TMEM94: variants seen among roughly 807,000 people sequenced by gnomAD.
TMEM94 encodes the protein ER Mg2+ ATPase.
In TMEM94, 81 loss-of-function variants were observed where a neutral mutation model predicts 158.6. That is an observed-to-expected ratio of 0.51 (90% confidence interval 0.43 to 0.61). The LOEUF (loss-of-function observed/expected upper bound fraction) is 0.61. Among genes scored for constraint, TMEM94 ranks in the 20% least tolerant of loss-of-function variants. TMEM94 has a pLI of 0.00. For missense variants in TMEM94, 1,435 were observed against 1,762.0 expected (o/e 0.81, Z 3.32); for synonymous variants, 751 against 730.7 (o/e 1.03, Z -0.45).
intron 1 of TMEM94, among the ~76,000 whole-genome samples, chr17:75,463,178 G>GTGTGTATGTATA (rs1180723796): frequency 6.6e-5 from 1 of 15,062 alleles, no homozygotes; most frequent in African/African-American, 1.7e-4. Context: ...GTGTGTGTGT[G>GTGTGTATGTATA]TATATATATA....
Position 75,494,988 on chromosome 17 carries a change from C to G in TMEM94, c.2682C>G (p.Pro894=), listed in dbSNP as rs769396653. The change falls in exon 20 of 32, where the codon CCC becomes CCG. Residue 894 remains proline (P), a synonymous_variant. Coordinates refer to ENST00000314256, the MANE Select transcript of TMEM94 (RefSeq NM_014738.6). ...NGDMPGSEIP[P]SSPSHAGSLH... Reference sequence around the variant, plus strand: ...ACATGCCTGGCTCCGAGATCCCCCCCTCCAGCCCCAGCCACGCAGGCTCCC... The same window carrying G: ...ACATGCCTGGCTCCGAGATCCCCCCGTCCAGCCCCAGCCACGCAGGCTCCC... The G allele has an allele frequency of 1.2e-6, 2 of 1,613,442 alleles. No homozygotes were observed. Among genetic ancestry groups the G allele is most frequent in the Non-Finnish European group, 1.7e-6 (2 of 1,180,022 alleles).
chr17:75,496,239 T>A (rs1396974496), intron 23 of TMEM94, 43 bp from the exon 24 acceptor site: 10 of 1,612,568 alleles, frequency 6.2e-6, no homozygotes, highest in Non-Finnish European at 1.7e-6. Context: ...CCCAGTCCTG[T>A]GGGAGATACA....
At chr17:75,464,137 G>A (rs1315978089) in intron 1 of TMEM94, among the ~76,000 whole-genome samples, 2 of 152,156 alleles carry the variant, frequency 1.3e-5, no homozygotes, top group Admixed American at 6.6e-5. Flanking sequence ...TTGGCAGCAG[G>A]AGGCATCCAC....
Position 75,486,423 on chromosome 17 carries a change from C to A in TMEM94, c.406C>A (p.Gln136Lys). The A allele has an allele frequency of 6.2e-7, 1 of 1,614,172 alleles. No homozygotes were observed. Among genetic ancestry groups the A allele is most frequent in the Non-Finnish European group, 8.5e-7 (1 of 1,180,018 alleles). The change falls in exon 5 of 32, where the codon CAA becomes AAA. Residue 136 changes from glutamine (Q) to lysine (K), a missense_variant. Around this residue, in one of 3 missense-constraint regions of TMEM94, gnomAD observed 1,051 missense variants for 1,254.4 expected, o/e 0.84. Coordinates refer to ENST00000314256, the MANE Select transcript of TMEM94 (RefSeq NM_014738.6). Reference protein sequence around the residue: ...RRLRGIIDQIQDALRDGREIQ... With the variant: ...RRLRGIIDQIKDALRDGREIQ... Reference sequence around the variant, plus strand: ...GCTGCGAGGGATCATTGACCAAATCCAAGGTGAGGTCAAGGGCAGGCATAT... The same window carrying A: ...GCTGCGAGGGATCATTGACCAAATCAAAGGTGAGGTCAAGGGCAGGCATAT...
At chr17:75,462,912 A>G (rs572590614) in intron 1 of TMEM94, among the ~76,000 whole-genome samples, 292 of 144,092 alleles carry the variant, frequency 2.0e-3, no homozygotes, top group African/African-American at 7.4e-3. Flanking sequence ...GTTTGAGCCC[A>G]GGAGTTTGAG....
intron 1 of TMEM94, among the ~76,000 whole-genome samples, chr17:75,463,170 G>GTATATATATA (rs1311901476): frequency 8.3e-4 from 4 of 4,838 alleles, no homozygotes; most frequent in African/African-American, 4.7e-3. Flanking sequence ...ATGTGTGTGT[G>GTATATATATA]TGTGTGTGTA....
At chr17:75,456,965 C>T (rs1315033897) in intron 1 of TMEM94, among the ~76,000 whole-genome samples, 1 of 152,214 alleles carries the variant, frequency 6.6e-6, no homozygotes, top group African/African-American at 2.4e-5. Flanking sequence ...CAGACTCTTG[C>T]TCTCAGCCCT....
rs972722742 is a variant in TMEM94, at chr17:75,487,803, T to C, written c.410-129T>C. Reference sequence around the variant, plus strand: ...GAAAGCAGGGAAGTGTTGGAACGAGTGGAGGGGTTTGACGCAGACCTCCTG... The same window carrying C: ...GAAAGCAGGGAAGTGTTGGAACGAGCGGAGGGGTTTGACGCAGACCTCCTG... On this transcript the variant is annotated intron_variant, in intron 5 of 31. Transcript: ENST00000314256. This position sits in a 1 kb window ranked among gnomAD's most constrained non-coding sequence, Gnocchi z 4.6. The C allele has an allele frequency of 1.9e-5, 14 of 719,504 alleles. No individual in the cohort carries two copies. Among genetic ancestry groups the C allele is most frequent in the Non-Finnish European group, 4.7e-6 (2 of 421,952 alleles). 44.6% of individuals were successfully genotyped at this position (719,504 alleles called of 1,614,324 possible).
intron 1 of TMEM94, among the ~76,000 whole-genome samples, chr17:75,467,197 A>T (rs1474793132): frequency 6.6e-6 from 1 of 151,376 alleles, no homozygotes; most frequent in Non-Finnish European, 1.5e-5. Context: ...TTGGTCTGGA[A>T]CTCCTGTCCT....
intron 2 of TMEM94, among the ~76,000 whole-genome samples, chr17:75,479,918 A>G (rs914376946): frequency 6.6e-6 from 1 of 151,934 alleles, no homozygotes; most frequent in African/African-American, 2.4e-5. Flanking sequence ...GACCATCTCA[A>G]AAAAACACTA....
At chr17:75,459,040 C>G (rs1398885454) in intron 1 of TMEM94, among the ~76,000 whole-genome samples, 5 of 147,474 alleles carry the variant, frequency 3.4e-5, no homozygotes, top group Admixed American at 2.7e-4. Flanking sequence ...CTGGGCGACA[C>G]AGCGAGACTC....
chr17:75,496,223 G>T, intron 23 of TMEM94, 59 bp from the exon 24 acceptor site: 3 of 1,605,716 alleles, frequency 1.9e-6, no homozygotes, highest in East Asian at 2.2e-5. Flanking sequence ...AGAAGAGGGT[G>T]GGGTGCCCAG....
At chr17:75,486,074 G>T in intron 4 of TMEM94, 76 bp downstream of exon 4, 1 of 1,491,900 alleles carries the variant, frequency 6.7e-7, no homozygotes. Flanking sequence ...GACAGACCAG[G>T]GCTCTTGGGG....
chr17:75,479,864 G>A (rs561694106), intron 2 of TMEM94, among the ~76,000 whole-genome samples: 41 of 152,290 alleles, frequency 2.7e-4, no homozygotes, highest in African/African-American at 9.1e-4. Context: ...GCTGCAGTGA[G>A]CCCTGATGGC....
chr17:75,465,061 G>T (rs1201787314), intron 1 of TMEM94, among the ~76,000 whole-genome samples: 2 of 151,980 alleles, frequency 1.3e-5, no homozygotes, highest in African/African-American at 4.8e-5. Context: ...GTGTAGTGGC[G>T]TGATCATAGC....
At chr17:75,467,824 G>T (rs1380235072) in intron 1 of TMEM94, among the ~76,000 whole-genome samples, 1 of 152,104 alleles carries the variant, frequency 6.6e-6, no homozygotes, top group East Asian at 1.9e-4. Context: ...GAGCCACCGC[G>T]CCCGGCCCCA....
chr17:75,496,430 C>A lies in TMEM94; in HGVS notation c.3202C>A (p.Arg1068Ser). Residue 1068 changes from arginine (R) to serine (S), a missense_variant, in exon 24 of 32, where the codon CGC (arginine) becomes AGC (serine). Around this residue, in one of 3 missense-constraint regions of TMEM94, gnomAD observed 335 missense variants for 409.1 expected, o/e 0.82. Transcript: ENST00000314256. ...LNSLPCSLTF[R>S]QEETISIIRL... ...CAGCCTGCCCTGTTCCCTGACCTTT[C>A]GCCAGGAGGAGACCATCAGCATCAT... The A allele has an allele frequency of 6.2e-7, 1 of 1,613,638 alleles. No homozygotes were observed. The highest frequency in any genetic ancestry group is 1.7e-5 in the Admixed American group (1 of 60,022).
In TMEM94 at chr17:75,490,239, T is replaced by C; in HGVS notation, c.960T>C (p.Asn320=). ...TGTGGTCCGCTCCTTCCCAGGTGAA[T>C]GGCGTCCTGCCCATCCTCCCCCTGC... ...WQYTLLQLQV[N]GVLPILPLLF... Residue 320 remains asparagine (N), a synonymous_variant, in exon 10 of 32, where the codon AAT becomes AAC. Transcript: ENST00000314256. 1 of 1,614,024 alleles carries C rather than the reference T, an allele frequency of 6.2e-7. No homozygotes were observed. The highest frequency in any genetic ancestry group is 8.5e-7 in the Non-Finnish European group (1 of 1,179,990).
intron 1 of TMEM94, among the ~76,000 whole-genome samples, chr17:75,471,300 G>T (rs2050495513): frequency 6.6e-6 from 1 of 151,184 alleles, no homozygotes; most frequent in Non-Finnish European, 1.5e-5. Context: ...GAGAAAGTTT[G>T]TACCCCTCCA....
Sources: gnomAD v4.1 joint callset for allele counts (sites outside exome capture counted in the v4.1 genomes callset) on GRCh38, gnomAD v4.1.1 for gene constraint, gnomAD v4.1.1 regional missense constraint, Gnocchi (gnomAD v3.1) non-coding constraint, MANE v1.5 for transcripts, NCBI Gene and HGNC (gene_info 2026-07-23, HGNC 2026-07-21) for gene names.